Variants in CHM observed in about 807,000 individuals in gnomAD.
The protein encoded by CHM is CHM Rab escort protein.
Under a neutral mutation model 49.0 loss-of-function variants are expected in CHM, and 10 were observed. That is an observed-to-expected ratio of 0.20 (90% CI 0.13 to 0.35). The LOEUF (loss-of-function observed/expected upper bound fraction) is 0.35, where lower values mean the gene tolerates loss of function less well. CHM is among the 10% of genes least tolerant of loss of function. CHM has a pLI of 1.00. For synonymous variants in CHM, 184 were observed against 167.5 expected (o/e 1.10, Z -0.76); for missense variants, 455 against 478.4 (o/e 0.95, Z 0.46).
chrX:85,928,269 G>A (rs138842716), intron 8 of CHM, among the ~76,000 whole-genome samples: 1,494 of 111,997 alleles, frequency 0.013, 36 homozygotes, highest in African/African-American at 0.047. Flanking sequence ...AGGGCCGGGC[G>A]CGGTGGCTCA....
intron 12 of CHM, among the ~76,000 whole-genome samples, chrX:85,890,934 C>T: frequency 9.0e-6 from 1 of 111,485 alleles, no homozygotes; most frequent in Non-Finnish European, 1.9e-5. Flanking sequence ...GTGATATGAA[C>T]AGTAAGGTCC....
chrX:85,880,372 C>T (rs1924687530), intron 12 of CHM, among the ~76,000 whole-genome samples: 2 of 111,105 alleles, frequency 1.8e-5, no homozygotes, highest in South Asian at 3.8e-4. Context: ...ACTTAATCCT[C>T]CTAGATAATT....
rs771158863 is a variant in CHM, at chrX:85,905,288, G to A, written c.1245-4100C>T. Among the ~76,000 whole-genome samples, 8 of 110,942 alleles carry A rather than the reference G, an allele frequency of 7.2e-5. No individual in the cohort carries two copies. In the East Asian group the frequency reaches 2.3e-3, roughly 31 times the overall value. ...TTCCTGAAACTAGCCTCTTCTCTCC[G>A]TCTCCACTGATACTGCCTTAGACTC... On this transcript the variant is annotated intron_variant, in intron 9 of 14. Coordinates refer to ENST00000357749, the MANE Select transcript of CHM (RefSeq NM_000390.4).
chrX:86,042,938 C>T (rs1160727961), intron 1 of CHM, among the ~76,000 whole-genome samples: 2 of 111,624 alleles, frequency 1.8e-5, no homozygotes, highest in African/African-American at 6.5e-5. Context: ...CCCATCAGGC[C>T]CCACCTCCGA....
rs12863703 is a variant in CHM at position 85,928,466 on chromosome X, C to T, written c.1167-17128G>A. On this transcript the variant is annotated intron_variant, in intron 8 of 14. Coordinates refer to ENST00000357749, the MANE Select transcript of CHM (RefSeq NM_000390.4). ...GCTGAGGCAGGAGAATCTCTTGAACCCAAGAGGCAGAGGTTGCAGTGAGCC... is the reference window on the plus strand; with the variant it reads ...GCTGAGGCAGGAGAATCTCTTGAACTCAAGAGGCAGAGGTTGCAGTGAGCC... 4.1e-3 allele frequency among the ~76,000 whole-genome samples: 452 copies of T among 111,053 alleles called. 1 individual carries two copies. The highest frequency in any genetic ancestry group is 6.2e-3 in the Non-Finnish European group (327 of 52,999).
At chrX:85,989,291 G>C (rs761675683) in intron 2 of CHM, among the ~76,000 whole-genome samples, 5 of 111,831 alleles carry the variant, frequency 4.5e-5, no homozygotes, top group Non-Finnish European at 7.5e-5. Context: ...TAACAGGCTA[G>C]CCATATGTAG....
rs1437822986 is a variant in CHM, at chrX:85,996,818, C to G, written c.117-15009G>C. Among the ~76,000 whole-genome samples the G allele has an allele frequency of 4.5e-5, 5 of 111,640 alleles. No homozygotes were observed. The Admixed American group carries it at 4.7e-4, about 11-fold the overall frequency. On this transcript the variant is annotated intron_variant, in intron 2 of 14. Transcript: ENST00000357749. ...TATGTAAAAATGCAGATTCACTGAG[C>G]CAGATGAAGGTATGAGTGGCTATTT...
At chrX:86,013,613 T>C (rs1458220628) in intron 2 of CHM, among the ~76,000 whole-genome samples, 1 of 109,401 alleles carries the variant, frequency 9.1e-6, no homozygotes, top group African/African-American at 3.3e-5. Flanking sequence ...CATGTGCCTG[T>C]AGTCCCAGCT....
chrX:85,920,295 ACCGT>A (rs1927715672), intron 8 of CHM, among the ~76,000 whole-genome samples: 1 of 109,421 alleles, frequency 9.1e-6, no homozygotes, highest in Non-Finnish European at 1.9e-5. Context: ...ACGGGGTTTC[ACCGT>A]GTTAGCCAGG....
chrX:86,010,348 G>T (rs1272201615), intron 2 of CHM, among the ~76,000 whole-genome samples: 10 of 98,914 alleles, frequency 1.0e-4, no homozygotes, highest in Admixed American at 2.2e-4. Context: ...GAACTTAAAG[G>T]ATAATTAAAA....
rs746126493 is a variant in CHM, at chrX:85,882,330, C to T, written c.1511-3267G>A. On this transcript the variant is annotated intron_variant, in intron 12 of 14. Transcript: ENST00000357749. ...GAACTTGCTCAATACAGGCCAACAA[C>T]GACCACAAATTAGATCATACAGGGT... Among the ~76,000 whole-genome samples, 9 of 111,449 alleles carry T rather than the reference C, an allele frequency of 8.1e-5. No homozygotes were observed. The South Asian group carries it at 1.5e-3, about 18-fold the overall frequency.
chrX:85,892,517 T>C (rs905642764), intron 12 of CHM, among the ~76,000 whole-genome samples: 1 of 110,113 alleles, frequency 9.1e-6, no homozygotes, highest in Non-Finnish European at 1.9e-5. Context: ...GCCACCGCCA[T>C]GTTAAGAAGT....
chrX:86,008,849 G>A (rs1473399388), intron 2 of CHM, among the ~76,000 whole-genome samples: 1 of 112,133 alleles, frequency 8.9e-6, no homozygotes. Context: ...ACTGTACTGT[G>A]GGCCACAGTT....
intron 14 of CHM, among the ~76,000 whole-genome samples, chrX:85,870,819 G>A (rs1924003213): frequency 9.0e-6 from 1 of 111,603 alleles, no homozygotes; most frequent in African/African-American, 3.3e-5. Flanking sequence ...ATGTCTTGGA[G>A]GCCAGGAGCA....
intron 8 of CHM, among the ~76,000 whole-genome samples, chrX:85,942,513 A>C (rs1929170388): frequency 1.8e-5 from 2 of 111,792 alleles, no homozygotes; most frequent in South Asian, 7.4e-4. Flanking sequence ...TCAAGGTCTT[A>C]TGGATGCTAG....
intron 14 of CHM, among the ~76,000 whole-genome samples, chrX:85,871,482 G>T (rs769464369): frequency 9.1e-6 from 1 of 109,653 alleles, no homozygotes; most frequent in Non-Finnish European, 1.9e-5. Context: ...TTAGCATGCA[G>T]TTTATCTGAA....
At chrX:85,941,268 G>A (rs1929089653) in intron 8 of CHM, among the ~76,000 whole-genome samples, 1 of 111,587 alleles carries the variant, frequency 9.0e-6, no homozygotes, top group Middle Eastern at 4.6e-3. Context: ...CTACAGCAGT[G>A]TTCCCTAGAC....
chrX:85,990,038 C>T (rs1319530176), intron 2 of CHM, among the ~76,000 whole-genome samples: 1 of 112,052 alleles, frequency 8.9e-6, no homozygotes, highest in Non-Finnish European at 1.9e-5. Context: ...CACATGCATG[C>T]AAATGTTCAC....
intron 11 of CHM, among the ~76,000 whole-genome samples, chrX:85,900,016 A>G (rs761575982): frequency 1.1e-4 from 12 of 111,095 alleles, no homozygotes; most frequent in Middle Eastern, 9.3e-3. Context: ...AGGTTCCACA[A>G]AAAAATTAAA....
Sources: gnomAD v4.1 joint callset for allele counts (sites outside exome capture counted in the v4.1 genomes callset) on GRCh38, gnomAD v4.1.1 for gene constraint, MANE v1.5 for transcripts, NCBI Gene and HGNC (gene_info 2026-07-23, HGNC 2026-07-21) for gene names.